Variants in STK32A observed in about 807,000 individuals in gnomAD.
STK32A encodes serine/threonine-protein kinase 32A.
STK32A carries 41 observed loss-of-function variants against 53.2 expected under a neutral mutation model. The observed-to-expected ratio is 0.77, with a 90% confidence interval of 0.60 to 1.00. STK32A has a LOEUF of 1.00. Among genes scored for constraint, STK32A ranks in the 50% least tolerant of loss-of-function variants. The pLI, the probability that STK32A is intolerant of heterozygous loss-of-function variation, is 0.00. For missense variants in STK32A, 458 were observed against 485.8 expected (o/e 0.94, Z 0.54); for synonymous variants, 166 against 162.8 (o/e 1.02, Z -0.15).
chr5:147,314,498 C>CAAAAAAAAAAAA (rs1171767950), intron 4 of STK32A, among the ~76,000 whole-genome samples: 2 of 10,628 alleles, frequency 1.9e-4, no homozygotes, highest in African/African-American at 1.3e-3. Flanking sequence ...AACTCCATAT[C>CAAAAAAAAAAAA]AAAAAAAACA....
chr5:147,281,158 C>A (rs1450317499), intron 4 of STK32A, among the ~76,000 whole-genome samples: 2 of 152,136 alleles, frequency 1.3e-5, no homozygotes, highest in African/African-American at 4.8e-5. Flanking sequence ...AAAGAGCCTA[C>A]CCAAGTGAGA....
At chr5:147,365,640 C>T (rs1756709015) in intron 8 of STK32A, among the ~76,000 whole-genome samples, 1 of 152,008 alleles carries the variant, frequency 6.6e-6, no homozygotes, top group African/African-American at 2.4e-5. Flanking sequence ...TTTTTTTCTC[C>T]CCAGCCAATT....
intron 6 of STK32A, 143 bp from the exon 7 acceptor site, chr5:147,350,922 T>C (rs1372719623): frequency 7.6e-6 from 5 of 661,874 alleles, no homozygotes; most frequent in Non-Finnish European, 1.4e-5. Flanking sequence ...AATTGTTGGT[T>C]TAAGACCATA....
chr5:147,396,444 C>T, the STK32A span, among the ~76,000 whole-genome samples: 5 of 152,242 alleles, frequency 3.3e-5, no homozygotes, highest in East Asian at 1.9e-4. Context: ...CCCATGGCAG[C>T]GGCACACAAC....
the STK32A span, chr5:147,401,604 C>A: frequency 6.2e-7 from 1 of 1,613,990 alleles, no homozygotes. Context: ...GGGGATGTCA[C>A]AAATGCAGCC....
Position 147,343,015 on chromosome 5 carries a change from G to A in STK32A, c.444G>A (p.Lys148=). The change falls in exon 6 of 13, where the codon AAG becomes AAA. Residue 148 remains lysine (K), a synonymous_variant. Transcript: ENST00000397936. ...QNQRIIHRDM[K]PDNILLDEHG... is the part of the protein sequence containing the mutation. ...CTTTTTACTCCTCTAGGGATATGAAGCCTGACAATATTTTACTTGACGAAC... is the reference window on the plus strand; with the variant it reads ...CTTTTTACTCCTCTAGGGATATGAAACCTGACAATATTTTACTTGACGAAC... 6.2e-7 allele frequency: 1 copy of A among 1,613,328 alleles called. No individual in the cohort carries two copies. Among genetic ancestry groups the A allele is most frequent in the Non-Finnish European group, 8.5e-7 (1 of 1,179,714 alleles).
the STK32A span, chr5:147,399,253 C>T: frequency 6.2e-7 from 1 of 1,613,538 alleles, no homozygotes; most frequent in Non-Finnish European, 8.5e-7. Context: ...TCCCTGTGGC[C>T]TATTGAAATA....
rs567240810 is a variant in STK32A at position 147,264,899 on chromosome 5, T to C, written c.53-13225T>C. ...TCTCCTTTTTAAAAAATAACAAATC[T>C]TTTAGAACTATTTGATTATTTAAGC... is the stretch of plus-strand genomic sequence containing the variant. On this transcript the variant is annotated intron_variant, in intron 2 of 12. Coordinates refer to ENST00000397936, the MANE Select transcript of STK32A (RefSeq NM_001112724.2). 2.6e-5 allele frequency among the ~76,000 whole-genome samples: 4 copies of C among 152,062 alleles called. No homozygotes were observed. The South Asian group carries it at 8.3e-4, about 32-fold the overall frequency.
intron 4 of STK32A, among the ~76,000 whole-genome samples, chr5:147,323,253 G>A (rs144838196): frequency 2.6e-4 from 40 of 152,248 alleles, no homozygotes; most frequent in African/African-American, 7.7e-4. Flanking sequence ...AGATGTTAGC[G>A]TTATTTTTCA....
At chr5:147,374,242 G>T (rs1450288507) in intron 10 of STK32A, among the ~76,000 whole-genome samples, 3 of 151,246 alleles carry the variant, frequency 2.0e-5, no homozygotes, top group Admixed American at 2.0e-4. Context: ...AGCAGTGATT[G>T]TGCCACTGCA....
intron 4 of STK32A, among the ~76,000 whole-genome samples, chr5:147,288,190 A>T (rs12659585): frequency 4.6e-5 from 7 of 151,912 alleles, no homozygotes; most frequent in Non-Finnish European, 8.8e-5. Context: ...ACTTACCTCC[A>T]CCCAGTGATT....
At chr5:147,280,911 G>C (rs1198083563) in intron 4 of STK32A, among the ~76,000 whole-genome samples, 2 of 152,130 alleles carry the variant, frequency 1.3e-5, no homozygotes, top group African/African-American at 4.8e-5. Flanking sequence ...CACCAGAATA[G>C]GCACTGGTAT....
chr5:147,329,026 A>T (rs1315124342), intron 5 of STK32A, among the ~76,000 whole-genome samples: 2 of 152,222 alleles, frequency 1.3e-5, no homozygotes, highest in Non-Finnish European at 2.9e-5. Context: ...AAATTTTTAT[A>T]GGAATGAGAT....
At chr5:147,254,617 C>A (rs529637971) in intron 2 of STK32A, among the ~76,000 whole-genome samples, 41 of 152,308 alleles carry the variant, frequency 2.7e-4, no homozygotes, top group African/African-American at 9.6e-4. Flanking sequence ...TTATCCCCCA[C>A]GCACGTGGCC....
chr5:147,278,118 T>C lies in STK32A; in HGVS notation c.53-6T>C. ...ACTCATGATATTCTTCTTTTTTGTTTTACAGTCAACTTTGACCACTTTGAA... is the reference window on the plus strand; with the variant it reads ...ACTCATGATATTCTTCTTTTTTGTTCTACAGTCAACTTTGACCACTTTGAA... On this transcript the variant is annotated splice_polypyrimidine_tract_variant and splice_region_variant and intron_variant, in intron 2 of 12. Coordinates refer to ENST00000397936, the MANE Select transcript of STK32A (RefSeq NM_001112724.2). 1.3e-6 allele frequency: 2 copies of C among 1,586,556 alleles called. No homozygotes were observed. The highest frequency in any genetic ancestry group is 1.7e-6 in the Non-Finnish European group (2 of 1,164,850).
chr5:147,251,839 T>C (rs1040842170), intron 2 of STK32A, among the ~76,000 whole-genome samples: 1 of 152,212 alleles, frequency 6.6e-6, no homozygotes, highest in Non-Finnish European at 1.5e-5. Context: ...CTCTTGAGCT[T>C]TGCTTAGCTT....
chr5:147,281,321 G>A (rs1203269540), intron 4 of STK32A, among the ~76,000 whole-genome samples: 1 of 152,128 alleles, frequency 6.6e-6, no homozygotes, highest in African/African-American at 2.4e-5. Flanking sequence ...AGGAACCAGA[G>A]AAAGGTGAAG....
At chr5:147,392,353 C>A (rs980094080), downstream of STK32A, 7 of 152,204 alleles carry the variant, frequency 4.6e-5, no homozygotes, top group African/African-American at 1.4e-4. Flanking sequence ...TCTCCAAATT[C>A]CTTTGTAGCC....
At chr5:147,397,884 A>ATATAGAAAGAG in the STK32A span, 1 of 1,552,956 alleles carries the variant, frequency 6.4e-7, no homozygotes, top group Non-Finnish European at 8.7e-7. Flanking sequence ...CAGTAAGGGT[A>ATATAGAAAGAG]GAGAAAGAGG....
Sources: gnomAD v4.1 joint callset for allele counts (sites outside exome capture counted in the v4.1 genomes callset) on GRCh38, gnomAD v4.1.1 for gene constraint, MANE v1.5 for transcripts, NCBI Gene and HGNC (gene_info 2026-07-23, HGNC 2026-07-21) for gene names.